The following DDAH1 variants were observed in gnomAD, a reference collection of about 807,000 sequenced individuals.
The protein encoded by DDAH1 is dimethylarginine dimethylaminohydrolase 1.
DDAH1 carries 19 observed loss-of-function variants against 28.8 expected under a neutral mutation model. The observed-to-expected ratio is 0.66, with a 90% CI of 0.46 to 0.97. DDAH1 has a LOEUF of 0.97. Among genes scored for constraint, DDAH1 ranks in the 50% least tolerant of loss-of-function variants. The pLI is 0.00. For missense variants in DDAH1, 326 were observed against 375.9 expected, an observed-to-expected ratio of 0.87 and a Z score of 1.10; for synonymous variants, 153 against 154.4, an observed-to-expected ratio of 0.99 and a Z score of 0.07.
intron 1 of DDAH1, among the ~76,000 whole-genome samples, chr1:85,554,284 T>TTG (rs1553148480): frequency 6.7e-6 from 1 of 149,856 alleles, no homozygotes; most frequent in Non-Finnish European, 1.5e-5. Context: ...GAGTTTTTTT[T>TTG]TTTTTTTTTT....
chr1:85,500,489 T>A (rs1656785779), intron 1 of DDAH1, among the ~76,000 whole-genome samples: 1 of 152,142 alleles, frequency 6.6e-6, no homozygotes, highest in Non-Finnish European at 1.5e-5. Context: ...TATTAAAACT[T>A]TTTTCTTTGA....
intron 1 of DDAH1, among the ~76,000 whole-genome samples, chr1:85,432,181 G>C (rs1039434018): frequency 1.3e-5 from 2 of 152,134 alleles, no homozygotes; most frequent in African/African-American, 4.8e-5. Context: ...GGCAGTCCTA[G>C]AGCATGAAGA....
At chr1:85,417,983 G>A (rs769296409) in intron 1 of DDAH1, among the ~76,000 whole-genome samples, 8 of 152,168 alleles carry the variant, frequency 5.3e-5, no homozygotes, top group Non-Finnish European at 8.8e-5. Flanking sequence ...GTTGCTTTGC[G>A]GAAAGTCTGT....
intron 1 of DDAH1, among the ~76,000 whole-genome samples, chr1:85,532,252 C>T (rs1378707859): frequency 6.6e-6 from 1 of 151,472 alleles, no homozygotes; most frequent in Non-Finnish European, 1.5e-5. Context: ...ATAATGTGAC[C>T]AAATCAATAT....
intron 1 of DDAH1, among the ~76,000 whole-genome samples, chr1:85,410,628 GC>G (rs1652610516): frequency 1.0e-5 from 1 of 98,756 alleles, no homozygotes. Context: ...TAAGAGCGAA[GC>G]TCTGCCTCAA....
intron 1 of DDAH1, among the ~76,000 whole-genome samples, chr1:85,386,960 G>A (rs372124147): frequency 1.8e-4 from 27 of 152,264 alleles, no homozygotes; most frequent in South Asian, 4.1e-4. Flanking sequence ...ATAACTGGCC[G>A]GAGCTAAAAG....
At chr1:85,385,067 A>C (rs1570466002) in intron 1 of DDAH1, among the ~76,000 whole-genome samples, 1 of 152,226 alleles carries the variant, frequency 6.6e-6, no homozygotes, top group African/African-American at 2.4e-5. Context: ...TTTAACCATG[A>C]CATTACAATT....
chr1:85,348,711 C>T (rs967621981), intron 4 of DDAH1, among the ~76,000 whole-genome samples: 1 of 152,180 alleles, frequency 6.6e-6, no homozygotes, highest in Admixed American at 6.5e-5. Flanking sequence ...CCCCCTTTTC[C>T]TCTGAACTTT....
chr1:85,400,867 C>T (rs190137866), intron 1 of DDAH1, among the ~76,000 whole-genome samples: 2 of 152,222 alleles, frequency 1.3e-5, no homozygotes, highest in South Asian at 2.1e-4. Context: ...TATCTTATTC[C>T]TATATCCATC....
intron 1 of DDAH1, among the ~76,000 whole-genome samples, chr1:85,458,889 A>G (rs1159004791): frequency 2.0e-5 from 3 of 152,022 alleles, no homozygotes; most frequent in African/African-American, 4.8e-5. Flanking sequence ...TAATTATGGT[A>G]CTCCCTTGAT....
chr1:85,336,207 T>C (rs1648109588), intron 4 of DDAH1, among the ~76,000 whole-genome samples: 1 of 152,106 alleles, frequency 6.6e-6, no homozygotes, highest in Non-Finnish European at 1.5e-5. Flanking sequence ...ACATTCTTCT[T>C]ATTAGCACAT....
intron 1 of DDAH1, among the ~76,000 whole-genome samples, chr1:85,453,286 C>A (rs1654747496): frequency 6.6e-6 from 1 of 152,182 alleles, no homozygotes; most frequent in African/African-American, 2.4e-5. Context: ...CTGCAAACCA[C>A]TCAGAGGCTT....
chr1:85,470,209 T>C (rs1570584417), intron 2 of DDAH1, among the ~76,000 whole-genome samples: 1 of 152,108 alleles, frequency 6.6e-6, no homozygotes, highest in Non-Finnish European at 1.5e-5. Flanking sequence ...GAAAAAGAGA[T>C]TTTATGGACT....
At chr1:85,454,054 C>T (rs1237025319) in intron 1 of DDAH1, among the ~76,000 whole-genome samples, 1 of 149,094 alleles carries the variant, frequency 6.7e-6, no homozygotes, top group Non-Finnish European at 1.5e-5. Flanking sequence ...CACCTGGATG[C>T]TACTGCTTCC....
intron 1 of DDAH1, among the ~76,000 whole-genome samples, chr1:85,416,961 G>A (rs2100606701): frequency 6.6e-6 from 1 of 152,168 alleles, no homozygotes; most frequent in Admixed American, 6.5e-5. Flanking sequence ...AGCCACTACT[G>A]CACCTGGATG....
chr1:85,485,098 A>C (rs1656157799), intron 2 of DDAH1, among the ~76,000 whole-genome samples: 1 of 152,202 alleles, frequency 6.6e-6, no homozygotes. Flanking sequence ...TCTTCATCAC[A>C]CTAAAATAAT....
chr1:85,348,871 C>A (rs1237458270), intron 4 of DDAH1, among the ~76,000 whole-genome samples: 8 of 152,212 alleles, frequency 5.3e-5, no homozygotes, highest in Non-Finnish European at 1.2e-4. Context: ...GGGACCTGAT[C>A]TACCCAGAAT....
intron 1 of DDAH1, among the ~76,000 whole-genome samples, chr1:85,529,526 T>G (rs925599052): frequency 1.3e-5 from 2 of 148,552 alleles, no homozygotes; most frequent in Middle Eastern, 3.4e-3. Context: ...GCAGGTGGGG[T>G]AGAAGCACTG....
At chr1:85,560,788 C>T (rs1374520509) in intron 1 of DDAH1, among the ~76,000 whole-genome samples, 1 of 151,906 alleles carries the variant, frequency 6.6e-6, no homozygotes, top group African/African-American at 2.4e-5. Flanking sequence ...AAACTGGCAA[C>T]CTATTTTGAA....
Sources: gnomAD v4.1 joint callset for allele counts (sites outside exome capture counted in the v4.1 genomes callset) on GRCh38, gnomAD v4.1.1 for gene constraint, MANE v1.5 for transcripts, NCBI Gene and HGNC (gene_info 2026-07-23, HGNC 2026-07-21) for gene names.